Variants in ATG16L1 observed in about 807,000 individuals in gnomAD.
ATG16L1 encodes the protein autophagy related 16 like 1.
A neutral mutation model predicts 88.5 loss-of-function variants in ATG16L1; 37 were observed. The observed-to-expected ratio is 0.42, with a 90% confidence interval of 0.32 to 0.55. The LOEUF is 0.55. ATG16L1 is among the 20% of genes least tolerant of loss of function. ATG16L1 has a pLI of 0.13. For missense variants in ATG16L1, 554 were observed against 752.8 expected, an observed-to-expected ratio of 0.74 and a Z score of 3.09; for synonymous variants, 301 against 281.0, an observed-to-expected ratio of 1.07 and a Z score of -0.71.
rs1699689839 is a variant in ATG16L1 at position 233,294,645 on chromosome 2, G to C, written c.*295G>C. On this transcript the variant is annotated 3_prime_UTR_variant, in exon 18 of 18. Coordinates refer to ENST00000392017, the MANE Select transcript of ATG16L1 (RefSeq NM_030803.7). The stretch of plus-strand genomic sequence containing the variant: ...CTGACCTTCCATACCTCACTTGGGG[G>C]AGCACAGGGCCCCGCTGGGCCTCCT... The C allele has an allele frequency of 8.3e-6, 2 of 242,252 alleles. No homozygotes were observed. Among genetic ancestry groups the C allele is most frequent in the African/African-American group, 4.5e-5 (2 of 44,476 alleles). 15.0% of individuals were successfully genotyped at this position (242,252 alleles called of 1,614,324 possible).
chr2:233,265,543 C>G (rs925254683), intron 5 of ATG16L1, among the ~76,000 whole-genome samples: 1 of 152,104 alleles, frequency 6.6e-6, no homozygotes, highest in Non-Finnish European at 1.5e-5. Flanking sequence ...GATGTTGGCT[C>G]ACTGCAACCT....
At chr2:233,277,394 AATG>A in intron 9 of ATG16L1, 171 bp from the exon 10 acceptor site, 2 of 565,768 alleles carry the variant, frequency 3.5e-6, no homozygotes, top group Middle Eastern at 6.3e-4. Context: ...AGAAGAATAA[AATG>A]ATAATAGAAT....
intron 9 of ATG16L1, chr2:233,277,092 A>G (rs1698424656): frequency 6.5e-6 from 1 of 153,578 alleles, no homozygotes; most frequent in South Asian, 2.0e-4. Flanking sequence ...CCATCTACTT[A>G]TATTAGGACT....
chr2:233,273,991 T>C, intron 8 of ATG16L1: 1 of 1,551,286 alleles, frequency 6.4e-7, no homozygotes. Flanking sequence ...TTCCCTTTAG[T>C]CTGTCCGAGT....
Position 233,293,364 on chromosome 2 carries a change from T to A in ATG16L1, c.1730+7T>A. 1.2e-6 allele frequency: 2 copies of A among 1,612,110 alleles called. No individual in the cohort carries two copies. Among genetic ancestry groups the A allele is most frequent in the Non-Finnish European group, 1.7e-6 (2 of 1,178,436 alleles). On this transcript the variant is annotated splice_region_variant and intron_variant, in intron 17 of 17. Transcript: ENST00000392017. ...TTCTTTCAAAGCAGCACAGGTAAGA[T>A]GAACCCTGTCTCAGCCCCCCGTTGC...
At position 233,270,538 on chromosome 2, in the gene ATG16L1, G is replaced by C. The variant is rs77856287; in HGVS notation, c.707+471G>C. 7.0e-3 allele frequency among the ~76,000 whole-genome samples: 1,066 copies of C among 152,280 alleles called. 20 individuals are homozygous for C. The highest frequency in any genetic ancestry group is 0.024 in the African/African-American group (997 of 41,538). On this transcript the variant is annotated intron_variant, in intron 6 of 17. Coordinates refer to ENST00000392017, the MANE Select transcript of ATG16L1 (RefSeq NM_030803.7). ...TTCTAACTTCCTGCACTCAGTACCC[G>C]TTACTGCCTCACTGTTTCCTGTTGA...
intron 10 of ATG16L1, among the ~76,000 whole-genome samples, chr2:233,280,780 T>C (rs1312039079): frequency 5.3e-5 from 8 of 152,214 alleles, no homozygotes; most frequent in Admixed American, 5.2e-4. Context: ...ATAAACCCAG[T>C]CTCTAGTTTG....
intron 10 of ATG16L1, among the ~76,000 whole-genome samples, chr2:233,280,623 A>G (rs1698660081): frequency 6.6e-6 from 1 of 152,322 alleles, no homozygotes; most frequent in African/African-American, 2.4e-5. Flanking sequence ...ATTTCTTTTC[A>G]CACCTTAATG....
Position 233,251,699 on chromosome 2 carries a change from T to A in ATG16L1, c.-129T>A, listed in dbSNP as rs2289477. ...GACCGTCCCGGATGGCCTCGGGGAC[T>A]GCCAGTGTGTGGAGGTGAGCTCCGG... On this transcript the variant is annotated 5_prime_UTR_variant, in exon 1 of 18. Transcript: ENST00000392017. The A allele has an allele frequency of 3.8e-6, 3 of 782,082 alleles. No homozygotes were observed. The highest frequency in any genetic ancestry group is 5.8e-5 in the East Asian group (2 of 34,672). The allele number at this position is 782,082 out of a possible 1,614,324, so 48.4% of individuals were successfully genotyped here.
At chr2:233,292,330 T>TTCTC (rs1319382349) in intron 15 of ATG16L1, 53 bp downstream of exon 15, 94 of 1,610,400 alleles carry the variant, frequency 5.8e-5, no homozygotes, top group Middle Eastern at 3.3e-4. Context: ...CCCTGCTCTC[T>TTCTC]TAACGTGCTG....
chr2:233,257,196 A>AT (rs1484688589), intron 2 of ATG16L1, among the ~76,000 whole-genome samples: 4 of 151,928 alleles, frequency 2.6e-5, no homozygotes, highest in Non-Finnish European at 5.9e-5. Context: ...CGCTTGGCTA[A>AT]TTTTTTGTAT....
intron 1 of ATG16L1, among the ~76,000 whole-genome samples, chr2:233,253,282 A>G (rs1395328844): frequency 1.3e-5 from 2 of 149,634 alleles, no homozygotes; most frequent in South Asian, 2.1e-4. Flanking sequence ...TGAGGCCAAG[A>G]GAGATTAGGT....
In ATG16L1 at chr2:233,294,251, T is replaced by C; in HGVS notation, c.1731-6T>C. The C allele has an allele frequency of 5.6e-6, 9 of 1,594,540 alleles. No individual in the cohort carries two copies. Among genetic ancestry groups the C allele is most frequent in the Non-Finnish European group, 7.7e-6 (9 of 1,169,734 alleles). On this transcript the variant is annotated splice_region_variant and splice_polypyrimidine_tract_variant and intron_variant, in intron 17 of 17. Transcript: ENST00000392017. ...ACTTGGTGCTTTTCTGATCTCTCCT[T>C]TGAAGCTCATCCATCAATGCGGTGG...
chr2:233,253,497 C>T (rs559783204), intron 1 of ATG16L1, among the ~76,000 whole-genome samples: 50 of 151,792 alleles, frequency 3.3e-4, no homozygotes, highest in African/African-American at 6.8e-4. Flanking sequence ...AGGCAAGCAC[C>T]GCCACGCCCA....
intron 3 of ATG16L1, 123 bp downstream of exon 3, chr2:233,263,358 TC>T: frequency 1.2e-6 from 1 of 800,610 alleles, no homozygotes; most frequent in Non-Finnish European, 2.0e-6. Context: ...GCATCAAAAG[TC>T]CCCTCCATAG....
At chr2:233,280,725 T>C (rs896559920) in intron 10 of ATG16L1, among the ~76,000 whole-genome samples, 14 of 152,238 alleles carry the variant, frequency 9.2e-5, no homozygotes, top group African/African-American at 3.4e-4. Context: ...CCCAAATATT[T>C]ATGTATGTAA....
chr2:233,270,685 T>C (rs971558963), intron 6 of ATG16L1, among the ~76,000 whole-genome samples: 1 of 152,202 alleles, frequency 6.6e-6, no homozygotes, highest in African/African-American at 2.4e-5. Flanking sequence ...TAACTTAAAG[T>C]GGAAACTTAA....
chr2:233,265,584 C>T lies in ATG16L1; in HGVS notation c.641+441C>T, dbSNP rs145143881. Among the ~76,000 whole-genome samples the T allele has an allele frequency of 6.0e-3, 912 of 152,316 alleles. 10 individuals are homozygous for T. The highest frequency in any genetic ancestry group is 0.021 in the African/African-American group (861 of 41,560). On this transcript the variant is annotated intron_variant, in intron 5 of 17. Coordinates refer to ENST00000392017, the MANE Select transcript of ATG16L1 (RefSeq NM_030803.7). ...TCCCGGGGTCAAGTGATTCTCCTGCCTCAGCCTCCTAAGTAGCTGGGATTA... is the reference window on the plus strand; with the variant it reads ...TCCCGGGGTCAAGTGATTCTCCTGCTTCAGCCTCCTAAGTAGCTGGGATTA...
intron 4 of ATG16L1, 179 bp downstream of exon 4, chr2:233,264,244 C>T (rs1411064699): frequency 1.7e-6 from 1 of 592,466 alleles, no homozygotes; most frequent in Non-Finnish European, 2.9e-6. Context: ...AAGGAAAAAG[C>T]AAGGACAGTG....
Sources: allele counts gnomAD v4.1 joint callset (sites outside exome capture counted in the v4.1 genomes callset), GRCh38; gene constraint gnomAD v4.1.1; transcripts MANE v1.5; gene names NCBI Gene and HGNC (gene_info 2026-07-23, HGNC 2026-07-21).